The following PTK2B variants were observed in gnomAD, a reference collection of about 807,000 sequenced individuals.
PTK2B encodes the protein protein tyrosine kinase 2 beta, also known as protein-tyrosine kinase 2-beta.
In PTK2B, 71 loss-of-function variants were observed where a neutral mutation model predicts 142.9. The ratio of observed to expected loss-of-function variants is 0.50; its 90% CI spans 0.41 to 0.61. PTK2B has a LOEUF of 0.61. Among genes scored for constraint, PTK2B ranks in the 20% least tolerant of loss-of-function variants. The pLI is 0.00. For synonymous variants in PTK2B, 519 were observed against 503.4 expected (o/e 1.03, Z -0.42); for missense variants, 1,105 against 1,320.4 (o/e 0.84, Z 2.53).
chr8:27,446,053 G>T (rs1811453774), intron 24 of PTK2B, 134 bp downstream of exon 24: 1 of 1,332,678 alleles, frequency 7.5e-7, no homozygotes, highest in South Asian at 1.4e-5. Flanking sequence ...TCAGGCCACT[G>T]AGGTGGCACT....
At chr8:27,318,589 A>G (rs1057312091) in intron 3 of PTK2B, among the ~76,000 whole-genome samples, 3 of 152,094 alleles carry the variant, frequency 2.0e-5, no homozygotes, top group Non-Finnish European at 4.4e-5. Context: ...ATAGCTGCGG[A>G]AACCATGTGT....
Position 27,432,286 on chromosome 8 carries a change from G to A in PTK2B, c.912G>A (p.Gln304=). ...CCACCTGCCTGGCCGAGTTCAAGCA[G>A]ATCAGGTCCATCAGGTGCCTCCCGC... The part of the protein sequence containing the change: ...AKPTCLAEFK[Q]IRSIRCLPLE... The change falls in exon 10 of 31, where the codon CAG becomes CAA. Residue 304 remains glutamine (Q), a synonymous_variant. Transcript: ENST00000346049. The A allele has an allele frequency of 6.2e-7, 1 of 1,614,132 alleles. No homozygotes were observed. Among genetic ancestry groups the A allele is most frequent in the Non-Finnish European group, 8.5e-7 (1 of 1,180,024 alleles).
chr8:27,343,868 T>C (rs998568307), intron 1 of PTK2B, among the ~76,000 whole-genome samples: 8 of 151,902 alleles, frequency 5.3e-5, no homozygotes, highest in Non-Finnish European at 1.2e-4. Flanking sequence ...CCAGGTGTGG[T>C]GGTGGGCGCC....
chr8:27,312,141 T>G (rs569204152), intron 1 of PTK2B, among the ~76,000 whole-genome samples: 5 of 152,218 alleles, frequency 3.3e-5, no homozygotes, highest in Admixed American at 3.3e-4. Flanking sequence ...AGATCTTCAT[T>G]CCTGCTTCAG....
rs1563211157 is a variant in PTK2B, at chr8:27,351,020, TATATATATATATATATATATAC to T, written c.-38+25340_-38+25361del. On this transcript the variant is annotated intron_variant, in intron 1 of 30. Transcript: ENST00000346049. ...ATATATATATATATATATATATATA[TATATATATATATATATATATAC>T]GTGCTTGGAGCAGGCACAGTGGTGC... Among the ~76,000 whole-genome samples the T allele has an allele frequency of 3.2e-4, 20 of 63,120 alleles. 3 individuals are homozygous for T. Among genetic ancestry groups the T allele is most frequent in the African/African-American group, 1.5e-3 (20 of 13,388 alleles). The allele number at this position is 63,120 out of a possible 152,430, so 41.4% of individuals were successfully genotyped here. A position where few individuals can be genotyped will look rare whatever the true frequency, so the allele number is the denominator to read the frequency against.
chr8:27,331,638 C>G (rs1803757057), intron 1 of PTK2B, among the ~76,000 whole-genome samples: 1 of 151,996 alleles, frequency 6.6e-6, no homozygotes, highest in Non-Finnish European at 1.5e-5. Context: ...AGGCACCCAC[C>G]ACCATCCCTG....
At chr8:27,408,823 G>A (rs768168467) in intron 2 of PTK2B, among the ~76,000 whole-genome samples, 3 of 152,160 alleles carry the variant, frequency 2.0e-5, no homozygotes, top group Non-Finnish European at 2.9e-5. Context: ...AGTCTCCTAG[G>A]TCTGCTTTAA....
At chr8:27,429,448 T>A (rs1810276349) in intron 5 of PTK2B, among the ~76,000 whole-genome samples, 1 of 152,350 alleles carries the variant, frequency 6.6e-6, no homozygotes, top group Non-Finnish European at 1.5e-5. Flanking sequence ...GGCTGGCACA[T>A]GTGAGAACAT....
chr8:27,349,535 C>A (rs1002850905), intron 1 of PTK2B, among the ~76,000 whole-genome samples: 1 of 152,146 alleles, frequency 6.6e-6, no homozygotes, highest in Admixed American at 6.5e-5. Context: ...GGCAGGAATG[C>A]GGGGCAGGGG....
At chr8:27,442,242 A>T (rs1811197651) in intron 21 of PTK2B, among the ~76,000 whole-genome samples, 1 of 152,248 alleles carries the variant, frequency 6.6e-6, no homozygotes, top group Non-Finnish European at 1.5e-5. Context: ...TTGAAAATAT[A>T]GTATCAAGTG....
chr8:27,329,927 A>G (rs968421240), intron 1 of PTK2B, among the ~76,000 whole-genome samples: 1 of 152,128 alleles, frequency 6.6e-6, no homozygotes, highest in Non-Finnish European at 1.5e-5. Context: ...TGTACATTAG[A>G]GAGATATTCA....
At chr8:27,377,833 G>T (rs1282367359) in intron 1 of PTK2B, among the ~76,000 whole-genome samples, 1 of 152,190 alleles carries the variant, frequency 6.6e-6, no homozygotes, top group Non-Finnish European at 1.5e-5. Flanking sequence ...AGATTAGGAG[G>T]TGTTGAGTGC....
At chr8:27,339,481 G>A (rs1430440866) in intron 1 of PTK2B, among the ~76,000 whole-genome samples, 1 of 152,160 alleles carries the variant, frequency 6.6e-6, no homozygotes, top group Non-Finnish European at 1.5e-5. Flanking sequence ...GTGTCAGCTG[G>A]CAAATGGTAC....
intron 1 of PTK2B, among the ~76,000 whole-genome samples, chr8:27,373,718 A>G (rs1232110945): frequency 1.3e-5 from 2 of 152,056 alleles, no homozygotes; most frequent in Admixed American, 6.5e-5. Flanking sequence ...TGGAGATTTC[A>G]CATTAAAACT....
At position 27,378,601 on chromosome 8, in the gene PTK2B, C is replaced by CCG. The variant is rs1234594101; in HGVS notation, c.-37-18947_-37-18946insCG. On this transcript the variant is annotated intron_variant, in intron 1 of 30. Transcript: ENST00000346049. ...AAGAGTATAAAATCTTACAGCTTAT[C>CCG]TGTGTGTGTGTGTGTGTGTGTGTGT... Among the ~76,000 whole-genome samples the CCG allele has an allele frequency of 2.2e-3, 326 of 148,280 alleles. 6 individuals carry two copies. The highest frequency in any genetic ancestry group is 3.5e-3 in the Middle Eastern group (1 of 286).
chr8:27,397,556 T>A lies in PTK2B; in HGVS notation c.-29T>A. The A allele has an allele frequency of 6.2e-7, 1 of 1,609,448 alleles. No individual in the cohort carries two copies. On this transcript the variant is annotated 5_prime_UTR_variant, in exon 2 of 31. The change abolishes an upstream ATG in the 5' untranslated region. Coordinates refer to ENST00000346049, the MANE Select transcript of PTK2B (RefSeq NM_173176.3). ...CTCTGCTGTCTCTGCAGGACTGCAA[T>A]GTGCCGATCTTAGCTGCTGCCTGAG... is the stretch of plus-strand genomic sequence containing the variant.
intron 1 of PTK2B, among the ~76,000 whole-genome samples, chr8:27,334,729 G>A (rs775626693): frequency 2.6e-5 from 4 of 152,088 alleles, no homozygotes; most frequent in Non-Finnish European, 5.9e-5. Context: ...GCCAGACAGC[G>A]CTTCCTCATT....
intron 1 of PTK2B, among the ~76,000 whole-genome samples, chr8:27,352,655 T>C (rs567152925): frequency 2.5e-4 from 38 of 152,306 alleles, no homozygotes; most frequent in Non-Finnish European, 4.4e-4. Context: ...GGTAATTGAA[T>C]CATGTGGGTA....
chr8:27,361,416 G>A (rs1805696154), intron 1 of PTK2B, among the ~76,000 whole-genome samples: 1 of 152,018 alleles, frequency 6.6e-6, no homozygotes, highest in African/African-American at 2.4e-5. Context: ...ACAGATGGGG[G>A]TCTCACTTTG....
Sources: gnomAD v4.1 joint callset for allele counts (sites outside exome capture counted in the v4.1 genomes callset) on GRCh38, gnomAD v4.1.1 for gene constraint, MANE v1.5 for transcripts, NCBI Gene and HGNC (gene_info 2026-07-23, HGNC 2026-07-21) for gene names.